The following NCOR2 variants were observed in gnomAD, a reference collection of about 807,000 sequenced individuals.
NCOR2 encodes the protein CTG repeat protein 26.
A neutral mutation model predicts 262.9 loss-of-function variants in NCOR2; 81 were observed. The observed-to-expected ratio is 0.31, with a 90% CI of 0.26 to 0.37. The LOEUF (loss-of-function observed/expected upper bound fraction) is 0.37. Among genes scored for constraint, NCOR2 ranks in the 10% least tolerant of loss-of-function variants. NCOR2 has a pLI of 1.00. For synonymous variants in NCOR2, 1,659 were observed against 1,559.3 expected (o/e 1.06, Z -1.51); for missense variants, 3,385 against 3,621.4 (o/e 0.93, Z 1.68).
chr12:124,446,243 C>T (rs2045162493), intron 7 of NCOR2, among the ~76,000 whole-genome samples: 1 of 152,202 alleles, frequency 6.6e-6, no homozygotes. Flanking sequence ...CACTACCTAC[C>T]TCGGCAGCTC....
At chr12:124,493,179 G>A (rs769367772) in intron 1 of NCOR2, among the ~76,000 whole-genome samples, 2 of 152,222 alleles carry the variant, frequency 1.3e-5, no homozygotes, top group Non-Finnish European at 2.9e-5. Context: ...CCCAGTTGGG[G>A]CAAAGGGCAG....
intron 16 of NCOR2, among the ~76,000 whole-genome samples, chr12:124,395,456 A>G (rs559482082): frequency 6.6e-6 from 1 of 152,302 alleles, no homozygotes; most frequent in Non-Finnish European, 1.5e-5. Flanking sequence ...ATTATTACAA[A>G]TGTCACTGAG....
At chr12:124,494,356 G>T (rs2048262977) in intron 1 of NCOR2, among the ~76,000 whole-genome samples, 1 of 152,214 alleles carries the variant, frequency 6.6e-6, no homozygotes, top group Non-Finnish European at 1.5e-5. Context: ...AACTCTGAAA[G>T]CCGCTTGGCA....
chr12:124,552,334 TAAAGA>T (rs2051739090), intron 1 of NCOR2, among the ~76,000 whole-genome samples: 1 of 151,640 alleles, frequency 6.6e-6, no homozygotes, highest in African/African-American at 2.4e-5. Flanking sequence ...AAAAAACCAC[TAAAGA>T]AGAGAAAAGA....
chr12:124,437,266 G>A (rs1341246067), intron 8 of NCOR2, among the ~76,000 whole-genome samples: 2 of 152,136 alleles, frequency 1.3e-5, no homozygotes, highest in African/African-American at 4.8e-5. Context: ...CTGACAGCTG[G>A]GAGAATACTC....
Position 124,491,678 on chromosome 12 carries a change from TGAA to T in NCOR2, c.105+3466_105+3468del, listed in dbSNP as rs775508035. Among the ~76,000 whole-genome samples, 3 of 152,194 alleles carry T rather than the reference TGAA, an allele frequency of 2.0e-5. No individual in the cohort carries two copies. In the South Asian group the frequency reaches 6.2e-4, roughly 32 times the overall value. ...GAGTGTTCAGGGGTCCCAGAGGACT[TGAA>T]GAAGAAGGCAGAATGCAGCTGGGCC... is the stretch of plus-strand genomic sequence containing the variant. On this transcript the variant is annotated intron_variant, in intron 1 of 46. Coordinates refer to ENST00000405201, the Ensembl canonical transcript of NCOR2.
exon 47 of NCOR2, chr12:124,325,385 C>CCCCCCG: frequency 3.7e-6 from 2 of 539,440 alleles, no homozygotes. Flanking sequence ...CCGCCCCCCC[C>CCCCCCG]CCCGCCCTGT....
intron 16 of NCOR2, 26 bp from the exon 19 acceptor site, chr12:124,385,913 G>A (rs768130852): frequency 1.9e-6 from 3 of 1,609,372 alleles, no homozygotes; most frequent in Non-Finnish European, 2.5e-6. Context: ...AGGGCAGTGA[G>A]AAGAGGCCAG....
rs191911201 is a variant in NCOR2, at chr12:124,517,053, G to A, written c.-118+18512C>T. On this transcript the variant is annotated intron_variant, in intron 1 of 46. Transcript: ENST00000404621. The surrounding 1 kb of genome is among the most constrained non-coding windows in gnomAD (Gnocchi z 7.6). ...GACAGGAACCCAGGCAGTCTGCCCC[G>A]CGTTCCCCCTAAAACTGCAGCTCCT... 5.0e-4 allele frequency among the ~76,000 whole-genome samples: 76 copies of A among 152,060 alleles called. No individual in the cohort carries two copies. The highest frequency in any genetic ancestry group is 1.6e-3 in the African/African-American group (68 of 41,458).
At chr12:124,411,423 C>G (rs929164138) in intron 13 of NCOR2, among the ~76,000 whole-genome samples, 1 of 152,182 alleles carries the variant, frequency 6.6e-6, no homozygotes, top group African/African-American at 2.4e-5. Context: ...CCTGGGCTTC[C>G]TTCTTGGACC....
intron 3 of NCOR2, 44 bp from the exon 6 acceptor site, chr12:124,473,175 C>A (rs755560226): frequency 6.2e-7 from 1 of 1,602,564 alleles, no homozygotes; most frequent in Admixed American, 1.7e-5. Context: ...ACAGGGGACA[C>A]CCCCCAGTCT....
At chr12:124,340,092 G>A in exon 37 of NCOR2, 2 of 1,613,018 alleles carry the variant, frequency 1.2e-6, no homozygotes, top group Non-Finnish European at 8.5e-7. Context: ...TCTGCTGGAG[G>A]GCATCCTGGG....
intron 1 of NCOR2, among the ~76,000 whole-genome samples, chr12:124,502,453 T>C (rs928574840): frequency 6.6e-6 from 1 of 151,630 alleles, no homozygotes; most frequent in Non-Finnish European, 1.5e-5. Context: ...GGAATGGGGG[T>C]ACATTTTGAA....
At chr12:124,355,936 G>A (rs755696087) in intron 23 of NCOR2, among the ~76,000 whole-genome samples, 1 of 152,184 alleles carries the variant, frequency 6.6e-6, no homozygotes, top group Admixed American at 6.5e-5. Flanking sequence ...CCTGTGCTGT[G>A]TGCCCTCGAT....
At chr12:124,445,418 G>A (rs11611457) in intron 7 of NCOR2, among the ~76,000 whole-genome samples, 77,136 of 152,162 alleles carry the variant, frequency 0.51, 20,994 homozygotes, top group Non-Finnish European at 0.59. Context: ...GTGGGAGGGC[G>A]GCGGAGGCGG....
intron 16 of NCOR2, among the ~76,000 whole-genome samples, chr12:124,391,557 G>A (rs2041309110): frequency 6.6e-6 from 1 of 152,182 alleles, no homozygotes; most frequent in Admixed American, 6.5e-5. Context: ...TGACAGGCCG[G>A]GCACTCCTGC....
chr12:124,377,801 T>C (rs181242589), intron 18 of NCOR2, among the ~76,000 whole-genome samples: 2 of 148,954 alleles, frequency 1.3e-5, no homozygotes, highest in East Asian at 4.0e-4. Context: ...ATCACGTCAC[T>C]GCACTCCAGC....
chr12:124,334,482 G>A, exon 41 of NCOR2: 3 of 1,461,334 alleles, frequency 2.1e-6, no homozygotes, highest in Non-Finnish European at 2.7e-6. Flanking sequence ...TCCGGGGGCG[G>A]GAGGTAGAGG....
intron 34 of NCOR2, among the ~76,000 whole-genome samples, chr12:124,341,207 C>G (rs1399352781): frequency 6.6e-6 from 1 of 152,078 alleles, no homozygotes; most frequent in African/African-American, 2.4e-5. Context: ...GTTTACAAGG[C>G]AAAGGAACAA....
Sources: gnomAD v4.1 joint callset for allele counts (sites outside exome capture counted in the v4.1 genomes callset) on GRCh38, gnomAD v4.1.1 for gene constraint, Gnocchi (gnomAD v3.1) non-coding constraint, MANE v1.5 for transcripts, NCBI Gene and HGNC (gene_info 2026-07-23, HGNC 2026-07-21) for gene names.